TENM3: variants seen among roughly 807,000 people sequenced by gnomAD.
TENM3 encodes the protein teneurin transmembrane protein 3.
A neutral mutation model predicts 255.1 loss-of-function variants in TENM3; 63 were observed. The ratio of observed to expected loss-of-function variants is 0.25; its 90% CI spans 0.20 to 0.30. The LOEUF (loss-of-function observed/expected upper bound fraction) is 0.30. Among genes scored for constraint, TENM3 ranks in the 10% least tolerant of loss-of-function variants. The probability of loss-of-function intolerance (pLI) is 1.00; values close to 1 mark genes in which losing one functional copy is unlikely to be tolerated. For synonymous variants in TENM3, 1,306 were observed against 1,322.3 expected, an observed-to-expected ratio of 0.99 and a Z score of 0.27; for missense variants, 2,929 against 3,461.1, an observed-to-expected ratio of 0.85 and a Z score of 3.86.
the TENM3 span, among the ~76,000 whole-genome samples, chr4:181,509,249 G>T: frequency 6.6e-6 from 1 of 152,106 alleles, no homozygotes. Context: ...AAACTTGTTT[G>T]TTGAAGGGAA....
At chr4:182,087,576 G>T in the TENM3 span, among the ~76,000 whole-genome samples, 83 of 152,194 alleles carry the variant, frequency 5.5e-4, no homozygotes, top group Middle Eastern at 6.8e-3. Context: ...AATGAAGGAT[G>T]GAAGTCTGAG....
intron 3 of TENM3, among the ~76,000 whole-genome samples, chr4:182,351,077 G>A (rs1221822056): frequency 7.9e-6 from 1 of 127,086 alleles, no homozygotes; most frequent in Non-Finnish European, 1.7e-5. Flanking sequence ...CTATTTAAAC[G>A]TCAGGAACAA....
At chr4:181,955,313 C>T in the TENM3 span, among the ~76,000 whole-genome samples, 1 of 152,124 alleles carries the variant, frequency 6.6e-6, no homozygotes, top group African/African-American at 2.4e-5. Flanking sequence ...TTTTTCCTCA[C>T]CTGCTTCCTT....
intron 3 of TENM3, among the ~76,000 whole-genome samples, chr4:182,494,522 A>G (rs1465986690): frequency 6.6e-6 from 1 of 152,212 alleles, no homozygotes; most frequent in Non-Finnish European, 1.5e-5. Context: ...GTTCAGTTTC[A>G]GGTATCCACT....
the TENM3 span, among the ~76,000 whole-genome samples, chr4:181,571,101 G>A: frequency 2.0e-5 from 3 of 152,142 alleles, no homozygotes; most frequent in African/African-American, 2.4e-5. Flanking sequence ...AGGAGACAGT[G>A]GATTGAGAAA....
intron 3 of TENM3, among the ~76,000 whole-genome samples, chr4:182,468,862 G>GTGTGTA (rs1732850546): frequency 7.7e-6 from 1 of 130,616 alleles, no homozygotes; most frequent in Non-Finnish European, 1.7e-5. Context: ...GTGTGTGTGT[G>GTGTGTA]TGTGTGTGTA....
rs148792314 is a variant in TENM3, at chr4:182,605,370, T to C, written c.749+4209T>C. ...TACCTGTGGGGAAAAGGAATATTACTGAATATGGAAAAGAGGTCCAAAAAT... is the reference window on the plus strand; with the variant it reads ...TACCTGTGGGGAAAAGGAATATTACCGAATATGGAAAAGAGGTCCAAAAAT... On this transcript the variant is annotated intron_variant, in intron 4 of 27. Transcript: ENST00000511685. 8.6e-3 allele frequency among the ~76,000 whole-genome samples: 1,303 copies of C among 151,718 alleles called. 12 individuals are homozygous for C. The highest frequency in any genetic ancestry group is 0.03 in the African/African-American group (1,247 of 41,340).
intron 1 of TENM3, among the ~76,000 whole-genome samples, chr4:182,228,950 G>A (rs1756377817): frequency 1.3e-5 from 2 of 152,120 alleles, no homozygotes; most frequent in Admixed American, 1.3e-4. Flanking sequence ...CTACTGTCAT[G>A]GGGCATGTCT....
chr4:182,219,515 A>C (rs938851030), intron 1 of TENM3, among the ~76,000 whole-genome samples: 1 of 152,080 alleles, frequency 6.6e-6, no homozygotes. Flanking sequence ...AATTTAAAAA[A>C]TTAGCCAGGC....
At chr4:181,997,340 G>C in the TENM3 span, among the ~76,000 whole-genome samples, 1 of 152,104 alleles carries the variant, frequency 6.6e-6, no homozygotes, top group African/African-American at 2.4e-5. Context: ...CCTTTCAACG[G>C]AGAAGAAAAA....
chr4:181,562,282 A>G, the TENM3 span, among the ~76,000 whole-genome samples: 1 of 151,996 alleles, frequency 6.6e-6, no homozygotes, highest in African/African-American at 2.4e-5. Flanking sequence ...TTTTAGCTTT[A>G]AATTTTCATA....
In TENM3 at chr4:182,784,635, G is replaced by A. The variant is rs372197753; in HGVS notation, c.5305-4458G>A. Among the ~76,000 whole-genome samples, 746 of 151,414 alleles carry A rather than the reference G, an allele frequency of 4.9e-3. 7 individuals are homozygous for A. Among genetic ancestry groups the A allele is most frequent in the African/African-American group, 0.017 (697 of 41,168 alleles). On this transcript the variant is annotated intron_variant, in intron 24 of 27. Transcript: ENST00000511685. ...TACCTAAGCAAGCCTGGGCAATGGC[G>A]GGCGCCCCTCCCCAAGCCTCGCTGC...
chr4:182,253,162 A>G (rs190586091), intron 1 of TENM3, among the ~76,000 whole-genome samples: 1 of 152,322 alleles, frequency 6.6e-6, no homozygotes, highest in Admixed American at 6.5e-5. Flanking sequence ...ATGTTGCTCC[A>G]TCATCCCCAG....
intron 3 of TENM3, among the ~76,000 whole-genome samples, chr4:182,532,876 C>T (rs1739913853): frequency 6.6e-6 from 1 of 152,178 alleles, no homozygotes; most frequent in Non-Finnish European, 1.5e-5. Flanking sequence ...TGAGTTCACT[C>T]ATATACCTTC....
intron 24 of TENM3, among the ~76,000 whole-genome samples, chr4:182,779,983 A>C (rs1227911221): frequency 6.7e-6 from 1 of 150,172 alleles, no homozygotes; most frequent in East Asian, 2.0e-4. Context: ...AGGTTGCGAA[A>C]ATTTTCTCCC....
At chr4:181,523,053 A>G in the TENM3 span, 2 of 590,290 alleles carry the variant, frequency 3.4e-6, no homozygotes, top group Non-Finnish European at 3.3e-6. Context: ...AAACGGACTC[A>G]GATTACAAAT....
chr4:181,742,363 T>A, the TENM3 span, among the ~76,000 whole-genome samples: 1 of 152,164 alleles, frequency 6.6e-6, no homozygotes, highest in Non-Finnish European at 1.5e-5. Context: ...ATTTCTTTCA[T>A]AGAAGTGCAT....
intron 4 of TENM3, among the ~76,000 whole-genome samples, chr4:182,619,094 C>T (rs1195957004): frequency 1.3e-5 from 2 of 152,068 alleles, no homozygotes; most frequent in South Asian, 2.1e-4. Flanking sequence ...CAATTTGCAA[C>T]GTGACCCATA....
At chr4:182,471,066 T>C (rs917118111) in intron 3 of TENM3, among the ~76,000 whole-genome samples, 1 of 152,200 alleles carries the variant, frequency 6.6e-6, no homozygotes, top group African/African-American at 2.4e-5. Flanking sequence ...GCCTATTTTC[T>C]TGTGGAAATT....
Sources: gnomAD v4.1 joint callset for allele counts (sites outside exome capture counted in the v4.1 genomes callset) on GRCh38, gnomAD v4.1.1 for gene constraint, MANE v1.5 for transcripts, NCBI Gene and HGNC (gene_info 2026-07-23, HGNC 2026-07-21) for gene names.